ADAMTS19: variants seen among roughly 807,000 people sequenced by gnomAD.
ADAMTS19 encodes ADAM metallopeptidase with thrombospondin type 1 motif 19, also known as A disintegrin and metalloproteinase with thrombospondin motifs 19.
In ADAMTS19, 93 loss-of-function variants were observed where a neutral mutation model predicts 153.3. The observed-to-expected ratio is 0.61, with a 90% confidence interval of 0.51 to 0.72. ADAMTS19 has a LOEUF of 0.72. Ranked by LOEUF, ADAMTS19 falls within the 30% of genes least tolerant of loss-of-function variation. The pLI, the probability that ADAMTS19 is intolerant of heterozygous loss-of-function variation, is 0.00. For missense variants in ADAMTS19, 1,482 were observed against 1,552.1 expected (o/e 0.95, Z 0.76); for synonymous variants, 600 against 556.6 (o/e 1.08, Z -1.10).
chr5:129,590,058 T>TA (rs1750027021), intron 7 of ADAMTS19, among the ~76,000 whole-genome samples: 1 of 152,182 alleles, frequency 6.6e-6, no homozygotes. Flanking sequence ...GACAGATTCT[T>TA]AAAGTTATTT....
intron 21 of ADAMTS19, among the ~76,000 whole-genome samples, chr5:129,718,881 A>G (rs1285965564): frequency 6.6e-6 from 1 of 152,204 alleles, no homozygotes; most frequent in East Asian, 1.9e-4. Context: ...CCCTTAATTT[A>G]GGAATTCCTA....
chr5:129,553,282 CTCTT>C (rs1753197028), intron 7 of ADAMTS19, among the ~76,000 whole-genome samples: 1 of 152,084 alleles, frequency 6.6e-6, no homozygotes. Flanking sequence ...CACGAACTGA[CTCTT>C]TATAGCCTGT....
At position 129,647,760 on chromosome 5, in the gene ADAMTS19, A is replaced by C. The variant is rs750140681; in HGVS notation, c.1873-5A>C. ...TGTTCACCTAAGACATAACTTTTGG[A>C]ATAGTGGTGTAAGGCTGGAGAATGT... On this transcript the variant is annotated splice_region_variant and splice_polypyrimidine_tract_variant and intron_variant, in intron 11 of 22. Coordinates refer to ENST00000274487, the MANE Select transcript of ADAMTS19 (RefSeq NM_133638.6). The C allele has an allele frequency of 1.9e-6, 3 of 1,613,300 alleles. No homozygotes were observed. In the South Asian group the frequency reaches 3.3e-5, roughly 18 times the overall value.
intron 6 of ADAMTS19, among the ~76,000 whole-genome samples, chr5:129,533,098 A>C (rs144224110): frequency 6.6e-6 from 1 of 151,986 alleles, no homozygotes; most frequent in Non-Finnish European, 1.5e-5. Context: ...GTGAGACTCC[A>C]CCACAAAAAA....
rs372518317 is a variant in ADAMTS19 at position 129,610,734 on chromosome 5, G to A, written c.1479-9884G>A. 4.7e-3 allele frequency among the ~76,000 whole-genome samples: 712 copies of A among 152,054 alleles called. 4 individuals carry two copies. The highest frequency in any genetic ancestry group is 0.011 in the African/African-American group (447 of 41,386). On this transcript the variant is annotated intron_variant, in intron 8 of 22. Coordinates refer to ENST00000274487, the MANE Select transcript of ADAMTS19 (RefSeq NM_133638.6). ...TTCCAAGTCTTTGCTATTGTGAATA[G>A]TGCCGCAATAAACATACGTGTGCAT...
chr5:129,699,251 T>C (rs1406494979), intron 19 of ADAMTS19, among the ~76,000 whole-genome samples: 1 of 151,798 alleles, frequency 6.6e-6, no homozygotes, highest in Non-Finnish European at 1.5e-5. Flanking sequence ...TTGAAACCCC[T>C]TCTCTACTAA....
At chr5:129,523,002 C>T (rs548392051) in intron 3 of ADAMTS19, among the ~76,000 whole-genome samples, 3 of 149,390 alleles carry the variant, frequency 2.0e-5, no homozygotes, top group East Asian at 3.9e-4. Flanking sequence ...TTGAAGTGAG[C>T]GGAGATCGCG....
At chr5:129,685,142 A>T (rs762514223) in intron 18 of ADAMTS19, among the ~76,000 whole-genome samples, 1 of 152,132 alleles carries the variant, frequency 6.6e-6, no homozygotes, top group Non-Finnish European at 1.5e-5. Context: ...CAGGCTACAG[A>T]TAAAGAATAT....
intron 17 of ADAMTS19, among the ~76,000 whole-genome samples, chr5:129,680,177 A>G (rs937092448): frequency 2.0e-5 from 3 of 152,206 alleles, no homozygotes; most frequent in Admixed American, 6.5e-5. Context: ...AGGGAATCCA[A>G]AGAAAACCCT....
intron 3 of ADAMTS19, among the ~76,000 whole-genome samples, chr5:129,525,827 A>G (rs924061218): frequency 1.3e-4 from 20 of 152,130 alleles, no homozygotes; most frequent in African/African-American, 4.8e-4. Context: ...AGTAATCAGG[A>G]GCACCTGCCT....
intron 13 of ADAMTS19, among the ~76,000 whole-genome samples, chr5:129,651,800 TTAAG>T (rs1753328305): frequency 6.6e-6 from 1 of 152,172 alleles, no homozygotes. Context: ...CTACTGTATA[TTAAG>T]TGTCCAATGA....
At chr5:129,723,847 A>G (rs1395415236) in intron 21 of ADAMTS19, among the ~76,000 whole-genome samples, 1 of 152,224 alleles carries the variant, frequency 6.6e-6, no homozygotes, top group Non-Finnish European at 1.5e-5. Flanking sequence ...GAAACGTAAG[A>G]CACCAATCAA....
chr5:129,599,770 G>C (rs1258944647), intron 8 of ADAMTS19, among the ~76,000 whole-genome samples: 1 of 152,038 alleles, frequency 6.6e-6, no homozygotes, highest in Non-Finnish European at 1.5e-5. Flanking sequence ...TAGCTCAAAT[G>C]GTACGAAAAT....
intron 2 of ADAMTS19, among the ~76,000 whole-genome samples, chr5:129,501,637 C>T (rs1461430536): frequency 4.6e-5 from 7 of 151,964 alleles, no homozygotes; most frequent in African/African-American, 1.7e-4. Flanking sequence ...TCATTTGAAT[C>T]CTGTCTTTAC....
chr5:129,548,351 C>G lies in ADAMTS19; in HGVS notation c.1329-3513C>G, dbSNP rs529351202. ...CAAAAAAAAAAACAAACAACCCCAT[C>G]AAAAAGTGGGTGAAGGATATGAACA... is the stretch of plus-strand genomic sequence containing the variant. On this transcript the variant is annotated intron_variant, in intron 6 of 22. Coordinates refer to ENST00000274487, the MANE Select transcript of ADAMTS19 (RefSeq NM_133638.6). Among the ~76,000 whole-genome samples, 249 of 147,728 alleles carry G rather than the reference C, an allele frequency of 1.7e-3. 22 individuals are homozygous for G. The highest frequency in any genetic ancestry group is 6.1e-3 in the African/African-American group (231 of 37,836).
At position 129,461,622 on chromosome 5, in the gene ADAMTS19, T is replaced by TCCCAGC. The variant is rs142924298; in HGVS notation, c.615_616insAGCCCC (p.Pro205_Gly206insSerPro). On this transcript the variant is annotated inframe_insertion, in exon 2 of 23. Coordinates refer to ENST00000274487, the MANE Select transcript of ADAMTS19 (RefSeq NM_133638.6). This position sits in a 1 kb window ranked among gnomAD's most constrained non-coding sequence, Gnocchi z 4.6. ...GCTTCGCAGTGGAACAGCGGCCAAA[T>TCCCAGC]CCCGGCCCCGGCCCCACGGGGGCAG... 1.9e-6 allele frequency: 3 copies of TCCCAGC among 1,591,664 alleles called. No homozygotes were observed. The African/African-American group carries it at 4.0e-5, about 21-fold the overall frequency.
chr5:129,654,445 C>CAAAAA lies in ADAMTS19; in HGVS notation c.2304+19_2304+23dup. On this transcript the variant is annotated intron_variant, in intron 14 of 22. Transcript: ENST00000274487. ...ATGGCAGGTGCCAGGTAAGACATTC[C>CAAAAA]AAAAAAAAAAAGAATTTATATGTTG... The CAAAAA allele has an allele frequency of 8.3e-7, 1 of 1,207,592 alleles. No individual in the cohort carries two copies. Among genetic ancestry groups the CAAAAA allele is most frequent in the Non-Finnish European group, 1.1e-6 (1 of 888,080 alleles). 74.8% of individuals were successfully genotyped at this position (1,207,592 alleles called of 1,614,324 possible).
At chr5:129,559,257 AAGTATTAGAACC>A (rs1223048545) in intron 7 of ADAMTS19, among the ~76,000 whole-genome samples, 2 of 152,246 alleles carry the variant, frequency 1.3e-5, no homozygotes, top group East Asian at 3.9e-4. Flanking sequence ...GTAACCAACA[AAGTATTAGAACC>A]CAGAGTATAA....
Position 129,735,105 on chromosome 5 carries a change from A to T in ADAMTS19, c.3486A>T (p.Arg1162Ser). 6.3e-7 allele frequency: 1 copy of T among 1,579,976 alleles called. No homozygotes were observed. Among genetic ancestry groups the T allele is most frequent in the Non-Finnish European group, 8.6e-7 (1 of 1,166,548 alleles). ...KINVNTITSP[R>S]LAALTFKCLG... ...ATGTAAATACCATAACATCACCCAG[A>T]CTGGGTAAGCAGACAAAAAAAAAAG... Residue 1162 changes from arginine (R) to serine (S), a missense_variant, in exon 22 of 23, where the codon AGA becomes AGT. Physicochemically the swap from Arg to Ser is moderately radical, Grantham distance 110. Coordinates refer to ENST00000274487, the MANE Select transcript of ADAMTS19 (RefSeq NM_133638.6).
Sources: allele counts gnomAD v4.1 joint callset (sites outside exome capture counted in the v4.1 genomes callset), GRCh38; gene constraint gnomAD v4.1.1; non-coding constraint Gnocchi (gnomAD v3.1); transcripts MANE v1.5; gene names NCBI Gene and HGNC (gene_info 2026-07-23, HGNC 2026-07-21).